ENPP3: variants seen among roughly 807,000 people sequenced by gnomAD.
ENPP3 encodes ectonucleotide pyrophosphatase/phosphodiesterase 3.
Under a neutral mutation model 117.8 loss-of-function variants are expected in ENPP3, and 104 were observed. That is an observed-to-expected ratio of 0.88 (90% CI 0.75 to 1.04). ENPP3 has a LOEUF of 1.04. ENPP3 is among the 50% of genes least tolerant of loss of function. ENPP3 has a pLI of 0.00. For synonymous variants in ENPP3, 380 were observed against 349.9 expected, an observed-to-expected ratio of 1.09 and a Z score of -0.96; for missense variants, 1,026 against 1,051.9, an observed-to-expected ratio of 0.98 and a Z score of 0.34.
Position 131,744,462 on chromosome 6 carries a change from T to C in ENPP3, c.2458-2324T>C, listed in dbSNP as rs139615587. Among the ~76,000 whole-genome samples the C allele has an allele frequency of 2.7e-4, 41 of 152,156 alleles. No homozygotes were observed. The East Asian group carries it at 7.7e-3, about 29-fold the overall frequency. ...GAAAGTGGAAAGAAAAGATCCCAAA[T>C]CAAATTGAGGAAAATATGCTTCCAG... is the stretch of plus-strand genomic sequence containing the variant. On this transcript the variant is annotated intron_variant, in intron 24 of 24. Coordinates refer to ENST00000357639, the MANE Select transcript of ENPP3 (RefSeq NM_005021.5).
chr6:131,674,343 C>T, intron 8 of ENPP3, 62 bp downstream of exon 8: 9 of 1,506,152 alleles, frequency 6.0e-6, no homozygotes, highest in Non-Finnish European at 7.4e-6. Flanking sequence ...GACAGGAGGA[C>T]ACTCTTCTCA....
At chr6:131,727,740 TTAAAGACAAAGCTATACC>T (rs1164226961) in intron 20 of ENPP3, among the ~76,000 whole-genome samples, 1 of 152,148 alleles carries the variant, frequency 6.6e-6, no homozygotes, top group Admixed American at 6.5e-5. Context: ...TTTTAGACTT[TTAAAGACAAAGCTATACC>T]ACCCACCACA....
chr6:131,684,971 G>A (rs973165161), intron 12 of ENPP3, among the ~76,000 whole-genome samples: 1 of 151,990 alleles, frequency 6.6e-6, no homozygotes, highest in African/African-American at 2.4e-5. Context: ...TTTTTGGTAG[G>A]GATGGGGTTT....
At chr6:131,652,078 C>A (rs560330799) in intron 3 of ENPP3, among the ~76,000 whole-genome samples, 1 of 152,356 alleles carries the variant, frequency 6.6e-6, no homozygotes, top group African/African-American at 2.4e-5. Context: ...TCACTGCTGT[C>A]ACTTTCCACT....
At position 131,677,909 on chromosome 6, in the gene ENPP3, C is replaced by G; in HGVS notation, c.980C>G (p.Ser327Cys). ...YTMYFEEPDS[S>C]GHAGGPVSAR... ...ATGTATTTTGAAGAACCTGATTCCT[C>G]TGGACATGCAGGTGGACCAGTCAGT... Residue 327 changes from serine to cysteine, a missense_variant, in exon 11 of 25, where the codon TCT (serine) becomes TGT (cysteine). By Grantham distance (112) the Ser-to-Cys change is moderately radical. Transcript: ENST00000357639. The G allele has an allele frequency of 6.2e-7, 1 of 1,611,754 alleles. No individual in the cohort carries two copies. Among genetic ancestry groups the G allele is most frequent in the African/African-American group, 1.3e-5 (1 of 74,918 alleles).
At chr6:131,670,382 G>A (rs1778713228) in intron 6 of ENPP3, among the ~76,000 whole-genome samples, 1 of 152,188 alleles carries the variant, frequency 6.6e-6, no homozygotes, top group South Asian at 2.1e-4. Context: ...ATTTAGCTCA[G>A]GGGTCAACAG....
rs1337503194 is a variant in ENPP3 at position 131,679,059 on chromosome 6, T to C, written c.1011+1119T>C. On this transcript the variant is annotated intron_variant, in intron 11 of 24. Coordinates refer to ENST00000357639, the MANE Select transcript of ENPP3 (RefSeq NM_005021.5). ...TTTCTTTCTTTCTTTCTTTCTTTCT[T>C]TCTTTCTTTCTTTCTTTCTTTCTTT... Among the ~76,000 whole-genome samples, 96 of 131,094 alleles carry C rather than the reference T, an allele frequency of 7.3e-4. 2 individuals carry two copies. The highest frequency in any genetic ancestry group is 3.0e-3 in the African/African-American group (90 of 30,354). 86.0% of individuals were successfully genotyped at this position (131,094 alleles called of 152,430 possible). A position where few individuals can be genotyped will look rare whatever the true frequency, so the allele number is the denominator to read the frequency against.
intron 6 of ENPP3, among the ~76,000 whole-genome samples, chr6:131,666,876 T>C (rs1352924570): frequency 2.6e-5 from 4 of 152,230 alleles, no homozygotes; most frequent in African/African-American, 9.6e-5. Flanking sequence ...CCCTCGCCAG[T>C]TGGCCTGATC....
intron 2 of ENPP3, among the ~76,000 whole-genome samples, chr6:131,649,266 T>G (rs1778213194): frequency 1.3e-5 from 2 of 152,280 alleles, no homozygotes; most frequent in African/African-American, 4.8e-5. Flanking sequence ...ACAGATCTAG[T>G]TCATTACTCT....
Position 131,679,026 on chromosome 6 carries a change from C to CTTCCTTCCTTCTTTCT in ENPP3, c.1011+1089_1011+1090insCTTCCTTCTTTCTTTC, listed in dbSNP as rs1562446870. 3.8e-4 allele frequency among the ~76,000 whole-genome samples: 18 copies of CTTCCTTCCTTCTTTCT among 47,858 alleles called. No homozygotes were observed. In the East Asian group the frequency reaches 5.1e-3, roughly 13 times the overall value. The allele number at this position is 47,858 out of a possible 152,430, so 31.4% of individuals were successfully genotyped here. On this transcript the variant is annotated intron_variant, in intron 11 of 24. Transcript: ENST00000357639. Reference sequence around the variant, plus strand: ...GCTTCCTTCCTTCCTTCCTTCCTTCCTTCTTTCTTTCTTTCTTTCTTTCTT... The same window carrying CTTCCTTCCTTCTTTCT: ...GCTTCCTTCCTTCCTTCCTTCCTTCCTTCCTTCCTTCTTTCTTTCTTTCTTTCTTTCTTTCTTTCTT...
intron 15 of ENPP3, among the ~76,000 whole-genome samples, chr6:131,695,322 G>A (rs528017239): frequency 2.6e-5 from 4 of 152,048 alleles, no homozygotes; most frequent in Non-Finnish European, 5.9e-5. Flanking sequence ...GTGAGAGCTC[G>A]CCCACCCAAA....
intron 15 of ENPP3, among the ~76,000 whole-genome samples, chr6:131,697,471 C>T (rs931976227): frequency 1.3e-5 from 2 of 151,570 alleles, no homozygotes; most frequent in Admixed American, 6.6e-5. Context: ...AAGCGCATGA[C>T]GTTTATTGTG....
chr6:131,694,569 CA>C (rs1180949890), intron 15 of ENPP3, among the ~76,000 whole-genome samples: 1 of 151,836 alleles, frequency 6.6e-6, no homozygotes, highest in Non-Finnish European at 1.5e-5. Context: ...ATATGTTTGA[CA>C]AAGAAAAAGG....
intron 5 of ENPP3, among the ~76,000 whole-genome samples, chr6:131,656,699 G>A (rs1371886417): frequency 2.0e-5 from 3 of 151,774 alleles, no homozygotes; most frequent in Admixed American, 6.6e-5. Flanking sequence ...CCTGGGAGGC[G>A]GAGCTTACAG....
At chr6:131,740,410 C>A (rs200185318) in intron 24 of ENPP3, 30 bp downstream of exon 24, 2 of 1,478,080 alleles carry the variant, frequency 1.4e-6, no homozygotes, top group Non-Finnish European at 9.0e-7. Flanking sequence ...GTCCAGGACC[C>A]GAGAAAATGA....
intron 20 of ENPP3, among the ~76,000 whole-genome samples, chr6:131,728,310 T>C (rs3800198): frequency 0.14 from 20,840 of 152,188 alleles, 2,025 homozygotes; most frequent in East Asian, 0.33. Flanking sequence ...GGAATGTTTA[T>C]GTTTTTAGTA....
At chr6:131,729,410 T>C (rs1780226761) in intron 20 of ENPP3, among the ~76,000 whole-genome samples, 1 of 152,238 alleles carries the variant, frequency 6.6e-6, no homozygotes, top group Non-Finnish European at 1.5e-5. Flanking sequence ...GAAATAATTT[T>C]ATCCTCTGTT....
rs761025937 is a variant in ENPP3, at chr6:131,733,735, TC to T, written c.2089+13del. ...CCTCTATCCTCCTGGTTAGTAGAAC[TC>T]TTTTTTAGAGCAGTAGCTTAGAAAG... On this transcript the variant is annotated intron_variant, in intron 21 of 24. Transcript: ENST00000357639. 2.2e-5 allele frequency: 35 copies of T among 1,612,968 alleles called. No homozygotes were observed. The highest frequency in any genetic ancestry group is 2.8e-5 in the Non-Finnish European group (33 of 1,179,200).
At chr6:131,664,090 A>T (rs1778565151) in intron 6 of ENPP3, among the ~76,000 whole-genome samples, 1 of 152,176 alleles carries the variant, frequency 6.6e-6, no homozygotes, top group Admixed American at 6.5e-5. Context: ...TAAAAATGTT[A>T]ACTATAAAAC....
Sources: gnomAD v4.1 joint callset for allele counts (sites outside exome capture counted in the v4.1 genomes callset) on GRCh38, gnomAD v4.1.1 for gene constraint, MANE v1.5 for transcripts, NCBI Gene and HGNC (gene_info 2026-07-23, HGNC 2026-07-21) for gene names.